GOLM2: variants seen among roughly 807,000 people sequenced by gnomAD.
GOLM2 encodes the protein protein GOLM2.
In GOLM2, 26 loss-of-function variants were observed where a neutral mutation model predicts 55.9. The observed-to-expected ratio is 0.47, with a 90% CI of 0.34 to 0.65. GOLM2 has a LOEUF of 0.65. Ranked by LOEUF, GOLM2 falls within the 30% of genes least tolerant of loss-of-function variation. The pLI is 0.01. For missense variants in GOLM2, 486 were observed against 531.8 expected (o/e 0.91, Z 0.85); for synonymous variants, 165 against 194.6 (o/e 0.85, Z 1.27).
At position 44,289,380 on chromosome 15, in the gene GOLM2, A is replaced by ATCCCGCCCC; in HGVS notation, c.327+24_327+25insTCCCGCCCC. ...AGGTAAGGACGACCCTTTTCTCTTCAAACCCCATGGTTTCTTTTCTCCCCG... is the reference window on the plus strand; with the variant it reads ...AGGTAAGGACGACCCTTTTCTCTTCATCCCGCCCCAACCCCATGGTTTCTTTTCTCCCCG... On this transcript the variant is annotated intron_variant, in intron 1 of 9. Transcript: ENST00000299957. The surrounding 1 kb of genome is among the most constrained non-coding windows in gnomAD (Gnocchi z 4.8). 1 of 1,585,034 alleles carries ATCCCGCCCC rather than the reference A, an allele frequency of 6.3e-7. No individual in the cohort carries two copies. Among genetic ancestry groups the ATCCCGCCCC allele is most frequent in the Non-Finnish European group, 8.6e-7 (1 of 1,164,542 alleles).
chr15:44,323,450 C>T lies in GOLM2; in HGVS notation c.382+431C>T, dbSNP rs1378074494. Among the ~76,000 whole-genome samples, 4 of 150,036 alleles carry T rather than the reference C, an allele frequency of 2.7e-5. No individual in the cohort carries two copies. In the East Asian group the frequency reaches 7.8e-4, roughly 29 times the overall value. On this transcript the variant is annotated intron_variant, in intron 2 of 9. Transcript: ENST00000299957. ...CTTAAGGTTTTAGATACCCTGGGAA[C>T]AGAAAGAAACCTGGAAAATAGATAA...
At chr15:44,335,810 C>CT (rs768065943) in intron 4 of GOLM2, among the ~76,000 whole-genome samples, 5,284 of 122,200 alleles carry the variant, frequency 0.043, 230 homozygotes, top group East Asian at 0.17. Context: ...GGACAAACTG[C>CT]TTTTTTTTTT....
intron 9 of GOLM2, chr15:44,406,736 AG>A (rs1296484812): frequency 6.6e-6 from 1 of 152,212 alleles, no homozygotes; most frequent in Non-Finnish European, 1.5e-5. Context: ...CTCAATCAAT[AG>A]GGGCTCTTCT....
Position 44,400,576 on chromosome 15 carries a change from T to G in GOLM2, c.1073-2311T>G, listed in dbSNP as rs1481465143. Among the ~76,000 whole-genome samples, 140 of 113,462 alleles carry G rather than the reference T, an allele frequency of 1.2e-3. 1 individual carries two copies. The highest frequency in any genetic ancestry group is 5.8e-3 in the African/African-American group (135 of 23,160). 74.4% of individuals were successfully genotyped at this position (113,462 alleles called of 152,430 possible). A position where few individuals can be genotyped will look rare whatever the true frequency, so the allele number is the denominator to read the frequency against. ...AGGCCATCTGCCCGCCTTGCCGCCT[T>G]TTTTTTTTTTTTTTTTTTTTTTTTT... On this transcript the variant is annotated intron_variant, in intron 8 of 9. Coordinates refer to ENST00000299957, the MANE Select transcript of GOLM2 (RefSeq NM_138423.4).
At chr15:44,302,984 T>C (rs914431587) in intron 1 of GOLM2, among the ~76,000 whole-genome samples, 5 of 152,024 alleles carry the variant, frequency 3.3e-5, no homozygotes, top group African/African-American at 1.2e-4. Context: ...ACGCCTGTAG[T>C]CCCAGCTACT....
chr15:44,327,032 G>A (rs114934453), intron 2 of GOLM2, among the ~76,000 whole-genome samples: 1,688 of 149,596 alleles, frequency 0.011, 42 homozygotes, highest in African/African-American at 0.04. Flanking sequence ...CTCACTGTAA[G>A]CTCCACCTTC....
intron 1 of GOLM2, among the ~76,000 whole-genome samples, chr15:44,294,611 G>A (rs1451946591): frequency 6.6e-6 from 1 of 151,810 alleles, no homozygotes; most frequent in Non-Finnish European, 1.5e-5. Context: ...CTACTTGGGA[G>A]GCTGAGGCAG....
rs555895469 is a variant in GOLM2 at position 44,347,576 on chromosome 15, C to T, written c.802+9259C>T. Among the ~76,000 whole-genome samples, 12 of 152,228 alleles carry T rather than the reference C, an allele frequency of 7.9e-5. No homozygotes were observed. In the South Asian group the frequency reaches 1.2e-3, roughly 16 times the overall value. On this transcript the variant is annotated intron_variant, in intron 6 of 9. Transcript: ENST00000299957. ...ACTTGAGTTTGGCTAGCCTTGCCAC[C>T]GCGAGCTAGAGTGCTTTGGGGTCTT...
chr15:44,395,569 C>T (rs532630733), intron 8 of GOLM2, among the ~76,000 whole-genome samples: 5 of 151,488 alleles, frequency 3.3e-5, no homozygotes, highest in Admixed American at 6.6e-5. Flanking sequence ...GGGCCGGGTG[C>T]GGTGGCTAAT....
At position 44,414,027 on chromosome 15, in the gene GOLM2, G is replaced by C. The variant is rs2079657001; in HGVS notation, c.*621G>C. On this transcript the variant is annotated 3_prime_UTR_variant, in exon 10 of 10. Coordinates refer to ENST00000299957, the MANE Select transcript of GOLM2 (RefSeq NM_138423.4). ...AATAATTGTATATTTAATAAAGACG[G>C]GTTTCACCATGTTGGCCAGGCTGGT... The C allele has an allele frequency of 2.6e-5, 4 of 152,110 alleles. No homozygotes were observed. The highest frequency in any genetic ancestry group is 5.9e-5 in the Non-Finnish European group (4 of 68,038). 9.4% of individuals were successfully genotyped at this position (152,110 alleles called of 1,614,324 possible). A position where few individuals can be genotyped will look rare whatever the true frequency, so the allele number is the denominator to read the frequency against.
rs150751171 is a variant in GOLM2, at chr15:44,328,714, C to T, written c.412C>T (p.Leu138Phe). The T allele has an allele frequency of 4.8e-5, 78 of 1,613,112 alleles. No individual in the cohort carries two copies. The African/African-American group carries it at 8.8e-4, about 18-fold the overall frequency. The change falls in exon 3 of 10, where the codon CTT becomes TTT. Residue 138 changes from leucine (L) to phenylalanine (F), a missense_variant. By Grantham distance (22) the Leu-to-Phe change is conservative. Transcript: ENST00000299957. ...ACTTGCTGAGCTTCGTCAGGAATTTCTTCGACAAGAAGACCAGCTTCAGGA... is the reference window on the plus strand; with the variant it reads ...ACTTGCTGAGCTTCGTCAGGAATTTTTTCGACAAGAAGACCAGCTTCAGGA... ...EQLAELRQEFLRQEDQLQDYR... is the reference protein window; with the variant it reads ...EQLAELRQEFFRQEDQLQDYR...
chr15:44,320,648 C>CG lies in GOLM2; in HGVS notation c.328-2310dup, dbSNP rs200396843. Among the ~76,000 whole-genome samples the CG allele has an allele frequency of 4.2e-3, 644 of 152,084 alleles. 1 individual carries two copies. The highest frequency in any genetic ancestry group is 6.8e-3 in the Middle Eastern group (2 of 294). On this transcript the variant is annotated intron_variant, in intron 1 of 9. Transcript: ENST00000299957. The stretch of plus-strand genomic sequence containing the variant: ...TTCATTCTTCAAAGCACCCAGGACT[C>CG]GGGGGGGTGAAAAAGAGGGACCCCC...
At chr15:44,327,242 C>T (rs1019072129) in intron 2 of GOLM2, among the ~76,000 whole-genome samples, 2 of 151,744 alleles carry the variant, frequency 1.3e-5, no homozygotes, top group Non-Finnish European at 2.9e-5. Flanking sequence ...TGAGCCACCA[C>T]GCCCAGCCCC....
chr15:44,305,099 C>T (rs1244172583), intron 1 of GOLM2, among the ~76,000 whole-genome samples: 1 of 152,130 alleles, frequency 6.6e-6, no homozygotes, highest in Non-Finnish European at 1.5e-5. Flanking sequence ...TCCCTGGACT[C>T]AGGTGATCCT....
At chr15:44,290,608 T>G (rs114011216) in intron 1 of GOLM2, among the ~76,000 whole-genome samples, 1,935 of 152,278 alleles carry the variant, frequency 0.013, 51 homozygotes, top group African/African-American at 0.045. Flanking sequence ...CTCTAAAGAC[T>G]GAAAAACTCT....
chr15:44,335,759 G>T (rs1293811209), intron 4 of GOLM2, among the ~76,000 whole-genome samples: 2 of 150,894 alleles, frequency 1.3e-5, no homozygotes, highest in Admixed American at 1.3e-4. Flanking sequence ...AAAGACTGTG[G>T]TTAGAATTCC....
At chr15:44,390,413 G>T (rs2079479388) in intron 8 of GOLM2, 2 of 152,176 alleles carry the variant, frequency 1.3e-5, no homozygotes, top group African/African-American at 4.8e-5. Context: ...ACAGTAGGGA[G>T]TGATTGTTGA....
At chr15:44,344,301 A>G (rs2079109018) in intron 6 of GOLM2, among the ~76,000 whole-genome samples, 1 of 150,168 alleles carries the variant, frequency 6.7e-6, no homozygotes, top group South Asian at 2.1e-4. Context: ...ATATATATAT[A>G]TATATATATA....
rs2079067006 is a variant in GOLM2 at position 44,337,799 on chromosome 15, G to T, written c.613G>T (p.Glu205Ter). 6.3e-7 allele frequency: 1 copy of T among 1,592,528 alleles called. No individual in the cohort carries two copies. The change falls in exon 5 of 10, where the codon GAA becomes TAA. Residue 205 changes from glutamate to a stop codon, truncating the protein, a stop_gained. Transcript: ENST00000299957. LOFTEE classifies it high-confidence loss of function. ...AAAGATTCAATCAAATGATGGAAAG[G>T]AATTGGATATAAACAATCAAGTAGT... ...TQKIQSNDGK[E>*]LDINNQVVPK... is the part of the protein sequence containing the mutation.
Sources: allele counts gnomAD v4.1 joint callset (sites outside exome capture counted in the v4.1 genomes callset), GRCh38; gene constraint gnomAD v4.1.1; non-coding constraint Gnocchi (gnomAD v3.1); transcripts MANE v1.5; gene names NCBI Gene and HGNC (gene_info 2026-07-23, HGNC 2026-07-21).